Variants in TF observed in about 807,000 individuals in gnomAD.
The protein encoded by TF is serotransferrin.
Under a neutral mutation model 82.4 loss-of-function variants are expected in TF, and 55 were observed. The observed-to-expected ratio is 0.67, with a 90% CI of 0.54 to 0.84. The LOEUF is 0.84. Ranked by LOEUF, TF falls within the 40% of genes least tolerant of loss-of-function variation. The pLI, the probability that TF is intolerant of heterozygous loss-of-function variation, is 0.00. For synonymous variants in TF, 332 were observed against 332.6 expected, an observed-to-expected ratio of 1.00 and a Z score of 0.02; for missense variants, 737 against 868.4, an observed-to-expected ratio of 0.85 and a Z score of 1.90.
chr3:133,768,210 G>A, intron 13 of TF, 46 bp downstream of exon 13: 1 of 1,611,716 alleles, frequency 6.2e-7, no homozygotes, highest in Admixed American at 1.7e-5. Context: ...TACAAGCCCT[G>A]GCCAGATTTC....
At chr3:133,757,632 A>G in intron 7 of TF, 137 bp from the exon 8 acceptor site, 1 of 788,218 alleles carries the variant, frequency 1.3e-6, no homozygotes, top group Admixed American at 2.1e-5. Flanking sequence ...GAGCAGGAGC[A>G]GGTCCGACTG....
At chr3:133,732,718 A>G in the TF span, among the ~76,000 whole-genome samples, 1 of 152,218 alleles carries the variant, frequency 6.6e-6, no homozygotes, top group Non-Finnish European at 1.5e-5. Context: ...CATCAGAAGG[A>G]AGAAACTCTT....
Position 133,758,608 on chromosome 3 carries a change from T to A in TF, c.1049-567T>A, listed in dbSNP as rs368069498. ...ATGACAACAAAATACCATGGCCCTA[T>A]GAGACTGCAAAACAAAGAAAAATAG... On this transcript the variant is annotated intron_variant, in intron 8 of 16. Transcript: ENST00000402696. Among the ~76,000 whole-genome samples, 3 of 152,288 alleles carry A rather than the reference T, an allele frequency of 2.0e-5. No homozygotes were observed. The South Asian group carries it at 6.2e-4, about 32-fold the overall frequency.
At chr3:133,755,340 G>A (rs1395223466) in intron 4 of TF, 23 bp from the exon 5 acceptor site, 1 of 1,614,150 alleles carries the variant, frequency 6.2e-7, no homozygotes, top group South Asian at 1.1e-5. Context: ...ATGCTCTGTT[G>A]TCCATTTCTC....
At chr3:133,666,952 C>T in the TF span, among the ~76,000 whole-genome samples, 21 of 152,034 alleles carry the variant, frequency 1.4e-4, no homozygotes, top group African/African-American at 5.1e-4. Context: ...AGGACAATGG[C>T]GTGAACCTGG....
rs963595810 is a variant in TF, at chr3:133,784,285, C to G, written c.*5665C>G. On this transcript the variant is annotated 3_prime_UTR_variant, in exon 17 of 17. Coordinates refer to ENST00000402696, the MANE Select transcript of TF (RefSeq NM_001063.4). ...AGGCCCATCGGAAAGGCCCACCACC[C>G]TTTAGGAAGATTACTGGCTGTTTAT... The G allele has an allele frequency of 6.6e-6, 1 of 152,054 alleles. No individual in the cohort carries two copies. Among genetic ancestry groups the G allele is most frequent in the African/African-American group, 2.4e-5 (1 of 41,388 alleles). The allele number at this position is 152,054 out of a possible 1,614,324, so 9.4% of individuals were successfully genotyped here.
Position 133,768,165 on chromosome 3 carries a change from G to A in TF, c.1622+1G>A. 6.2e-7 allele frequency: 1 copy of A among 1,614,202 alleles called. No homozygotes were observed. The highest frequency in any genetic ancestry group is 8.5e-7 in the Non-Finnish European group (1 of 1,180,040). On this transcript the variant is annotated splice_donor_variant, in intron 13 of 16. Transcript: ENST00000402696. LOFTEE classifies it high-confidence loss of function. ...ACTACGGCTACACAGGCGCTTTCAG[G>A]TGAGTCTTTTAACCCTGAAACAAAT...
the TF span, among the ~76,000 whole-genome samples, chr3:133,728,247 G>A: frequency 6.6e-6 from 1 of 152,170 alleles, no homozygotes; most frequent in Non-Finnish European, 1.5e-5. Flanking sequence ...CCTGCAGAGT[G>A]TTTTCCAACT....
intron 7 of TF, 146 bp downstream of exon 7, chr3:133,757,155 G>C: frequency 8.8e-7 from 1 of 1,132,782 alleles, no homozygotes; most frequent in Non-Finnish European, 1.3e-6. Context: ...TTCTCTAAAA[G>C]CTGGGACTCC....
At chr3:133,667,603 T>C in the TF span, among the ~76,000 whole-genome samples, 1 of 151,994 alleles carries the variant, frequency 6.6e-6, no homozygotes, top group African/African-American at 2.4e-5. Context: ...GTTTGAAAAT[T>C]ATGTCTAGGA....
intron 14 of TF, 24 bp from the exon 15 acceptor site, chr3:133,775,408 TG>T: frequency 6.2e-7 from 1 of 1,614,096 alleles, no homozygotes; most frequent in Non-Finnish European, 8.5e-7. Context: ...AGCCATCAGC[TG>T]AACCACCTTC....
At chr3:133,662,594 C>T in the TF span, among the ~76,000 whole-genome samples, 1 of 152,192 alleles carries the variant, frequency 6.6e-6, no homozygotes, top group Non-Finnish European at 1.5e-5. Context: ...TTCTCTGCAT[C>T]TGCCTCAGTA....
the TF span, among the ~76,000 whole-genome samples, chr3:133,722,375 C>A: frequency 6.6e-6 from 1 of 152,052 alleles, no homozygotes; most frequent in African/African-American, 2.4e-5. Flanking sequence ...CACCCTCTAT[C>A]TTTTAATTTG....
chr3:133,685,412 C>G, the TF span, among the ~76,000 whole-genome samples: 10 of 152,158 alleles, frequency 6.6e-5, no homozygotes, highest in Admixed American at 1.3e-4. Context: ...AAGTCAAATT[C>G]TCCCTGTGGG....
rs1934468116 is a variant in TF at position 133,779,320 on chromosome 3, C to T, written c.*700C>T. 6.6e-6 allele frequency: 1 copy of T among 152,438 alleles called. No individual in the cohort carries two copies. The highest frequency in any genetic ancestry group is 1.5e-5 in the Non-Finnish European group (1 of 68,234). 9.4% of individuals were successfully genotyped at this position (152,438 alleles called of 1,614,324 possible). ...AAGGTGGAGGCTGACTTTTCTGTCT[C>T]ACTTATTATTGGCTGAACATACAGA... On this transcript the variant is annotated 3_prime_UTR_variant, in exon 17 of 17. Coordinates refer to ENST00000402696, the MANE Select transcript of TF (RefSeq NM_001063.4).
Position 133,754,689 on chromosome 3 carries a change from T to C in TF, c.502+18T>C. The C allele has an allele frequency of 6.2e-7, 1 of 1,613,996 alleles. No homozygotes were observed. The highest frequency in any genetic ancestry group is 8.5e-7 in the Non-Finnish European group (1 of 1,179,976). On this transcript the variant is annotated intron_variant, in intron 4 of 16. Transcript: ENST00000402696. Reference sequence around the variant, plus strand: ...TGAGAAAGGTAAGCTGGCAGGAGTCTGGGTGCCCTCGAGCAGCTGCCTCTG... The same window carrying C: ...TGAGAAAGGTAAGCTGGCAGGAGTCCGGGTGCCCTCGAGCAGCTGCCTCTG...
chr3:133,715,898 G>A, the TF span, among the ~76,000 whole-genome samples: 1 of 152,192 alleles, frequency 6.6e-6, no homozygotes, highest in East Asian at 1.9e-4. Context: ...TGGTCCTTGT[G>A]TTGTTGCAGG....
At chr3:133,777,008 A>G (rs1934410092) in intron 15 of TF, 41 bp from the exon 16 acceptor site, 1 of 1,594,184 alleles carries the variant, frequency 6.3e-7, no homozygotes, top group Non-Finnish European at 8.6e-7. Context: ...CCAGCTGCTA[A>G]AGACCACAAG....
chr3:133,764,386 T>C, intron 10 of TF, 111 bp downstream of exon 10: 1 of 890,282 alleles, frequency 1.1e-6, no homozygotes, highest in Non-Finnish European at 1.9e-6. Context: ...GCTTTCCCTC[T>C]CTGAGCACCT....
Sources: gnomAD v4.1 joint callset for allele counts (sites outside exome capture counted in the v4.1 genomes callset) on GRCh38, gnomAD v4.1.1 for gene constraint, MANE v1.5 for transcripts, NCBI Gene and HGNC (gene_info 2026-07-23, HGNC 2026-07-21) for gene names.